The following ANKRD17 variants were observed in gnomAD, a reference collection of about 807,000 sequenced individuals.
The protein encoded by ANKRD17 is ankyrin repeat domain 17.
A neutral mutation model predicts 229.7 loss-of-function variants in ANKRD17; 19 were observed. That is an observed-to-expected ratio of 0.08 (90% CI 0.06 to 0.12). The LOEUF is 0.12. Ranked by LOEUF, ANKRD17 falls within the 10% of genes least tolerant of loss-of-function variation. ANKRD17 has a pLI of 1.00. For missense variants in ANKRD17, 2,176 were observed against 3,176.8 expected, an observed-to-expected ratio of 0.68 and a Z score of 7.57; for synonymous variants, 1,112 against 1,146.1, an observed-to-expected ratio of 0.97 and a Z score of 0.60.
intron 1 of ANKRD17, among the ~76,000 whole-genome samples, chr4:73,249,417 A>G (rs1434061976): frequency 5.3e-5 from 8 of 152,254 alleles, no homozygotes; most frequent in Admixed American, 6.5e-5. Flanking sequence ...TAAATGTGCC[A>G]TTTCTACAAT....
intron 24 of ANKRD17, among the ~76,000 whole-genome samples, chr4:73,104,962 G>T (rs1724441285): frequency 6.6e-6 from 1 of 152,120 alleles, no homozygotes; most frequent in Non-Finnish European, 1.5e-5. Flanking sequence ...AGTAATATGA[G>T]TTTGGATTAT....
In ANKRD17 at chr4:73,085,440, A is replaced by G. The variant is rs1413220173; in HGVS notation, c.6968T>C (p.Val2323Ala). Residue 2323 changes from valine to alanine, a missense_variant, in exon 30 of 34, where the codon GTC becomes GCC. Transcript: ENST00000358602. The stretch of plus-strand genomic sequence containing the variant: ...AGAACCATATGGCGAGTCCATATTG[A>G]CAATACCTATAATGTAGAAGGTCAT... Reference protein sequence around the residue: ...QRPAPSPSGIVNMDSPYGSVT... With the variant: ...QRPAPSPSGIANMDSPYGSVT... The G allele has an allele frequency of 2.5e-6, 4 of 1,612,174 alleles. 1 individual carries two copies. The South Asian group carries it at 3.3e-5, about 13-fold the overall frequency.
chr4:73,113,301 T>A, intron 24 of ANKRD17: 1 of 1,289,316 alleles, frequency 7.8e-7, no homozygotes, highest in Non-Finnish European at 1.0e-6. Context: ...GGGAATGATG[T>A]TGTAGTCTGC....
chr4:73,112,945 G>A (rs1412631135), intron 24 of ANKRD17: 3 of 412,420 alleles, frequency 7.3e-6, no homozygotes, highest in Non-Finnish European at 1.1e-5. Context: ...GCACCACCAC[G>A]TCCGGCTAAT....
intron 1 of ANKRD17, among the ~76,000 whole-genome samples, chr4:73,229,878 G>A (rs920311229): frequency 6.6e-6 from 1 of 151,886 alleles, no homozygotes; most frequent in Non-Finnish European, 1.5e-5. Flanking sequence ...AAATACTGCT[G>A]GATACATTTA....
intron 3 of ANKRD17, among the ~76,000 whole-genome samples, chr4:73,158,152 A>AAGAAAGAAAGAAAGAAAG (rs1553925348): frequency 1.5e-4 from 19 of 128,800 alleles, no homozygotes; most frequent in African/African-American, 4.1e-4. Context: ...GAAAGGAAGA[A>AAGAAAGAAAGAAAGAAAG]AAAGAAAGAA....
At chr4:73,200,918 C>G (rs1226718968) in intron 1 of ANKRD17, among the ~76,000 whole-genome samples, 1 of 121,092 alleles carries the variant, frequency 8.3e-6, no homozygotes, top group African/African-American at 3.2e-5. Context: ...CCAACAAAGG[C>G]TGAACTTAGA....
Position 73,118,691 on chromosome 4 carries a change from T to C in ANKRD17, c.4185A>G (p.Arg1395=). 2.5e-6 allele frequency: 4 copies of C among 1,613,970 alleles called. No individual in the cohort carries two copies. Among genetic ancestry groups the C allele is most frequent in the South Asian group, 2.2e-5 (2 of 91,066 alleles). ...AATGAGGATGAAAGACTTATACCTT[T>C]CTAAATGCTGCCATAAGAGGAGTTA... ...RKITPLMAAF[R]KGHVKVVRYL... The change falls in exon 22 of 34, where the codon AGA becomes AGG. Residue 1395 remains arginine (R), a synonymous_variant. Transcript: ENST00000358602.
Position 73,076,100 on chromosome 4 carries a change from C to A in ANKRD17, c.*131G>T. 1.7e-6 allele frequency: 1 copy of A among 598,412 alleles called. No homozygotes were observed. Among genetic ancestry groups the A allele is most frequent in the South Asian group, 4.2e-5 (1 of 23,676 alleles). The allele number at this position is 598,412 out of a possible 1,614,324, so 37.1% of individuals were successfully genotyped here. ...CAGAAAATAGGTCAGTTAGTAAGAT[C>A]TTCTGCAAAAAGCCTACACACTTCA... On this transcript the variant is annotated 3_prime_UTR_variant, in exon 34 of 34. Coordinates refer to ENST00000358602, the MANE Select transcript of ANKRD17 (RefSeq NM_032217.5).
Position 73,154,034 on chromosome 4 carries a change from A to G in ANKRD17, c.1080T>C (p.Ile360=), listed in dbSNP as rs147335914. Residue 360 remains isoleucine, a synonymous_variant, in exon 6 of 34, where the codon ATT becomes ATC. Transcript: ENST00000358602. ...VKVLLESGAS[I]EDHNENGHTP... is the part of the protein sequence containing the mutation. The stretch of plus-strand genomic sequence containing the variant: ...TATGACCATTTTCATTATGGTCCTC[A>G]ATACTAGCACCGGATTCCAAGAGCA... 3.2e-4 allele frequency: 513 copies of G among 1,613,196 alleles called. 2 individuals carry two copies. In the African/African-American group the frequency reaches 5.0e-3, roughly 16 times the overall value.
intron 1 of ANKRD17, among the ~76,000 whole-genome samples, chr4:73,209,885 T>C (rs1235332430): frequency 6.6e-6 from 1 of 151,974 alleles, no homozygotes; most frequent in Non-Finnish European, 1.5e-5. Flanking sequence ...CTGACAAAAT[T>C]CAATACCCTT....
At chr4:73,237,026 C>T (rs1187542205) in intron 1 of ANKRD17, among the ~76,000 whole-genome samples, 2 of 152,184 alleles carry the variant, frequency 1.3e-5, no homozygotes, top group African/African-American at 4.8e-5. Flanking sequence ...TTGTCAAGCA[C>T]AGAAACTGTG....
chr4:73,189,012 G>A (rs975950324), intron 1 of ANKRD17, among the ~76,000 whole-genome samples: 2 of 152,094 alleles, frequency 1.3e-5, no homozygotes, highest in South Asian at 4.1e-4. Flanking sequence ...CTGAAGCAAC[G>A]TCAATGACAG....
intron 5 of ANKRD17, 147 bp from the exon 6 acceptor site, chr4:73,154,260 T>C (rs1731356139): frequency 1.1e-5 from 4 of 374,114 alleles, no homozygotes; most frequent in Non-Finnish European, 1.8e-5. Flanking sequence ...TATATATCTA[T>C]ATATAAAATT....
chr4:73,079,910 C>T (rs1721383177), intron 30 of ANKRD17, among the ~76,000 whole-genome samples: 1 of 151,628 alleles, frequency 6.6e-6, no homozygotes, highest in Admixed American at 6.6e-5. Flanking sequence ...ATCAGGAGTT[C>T]GAGGGGCCAA....
chr4:73,111,382 A>AATC (rs1725299809), intron 24 of ANKRD17, among the ~76,000 whole-genome samples: 1 of 152,188 alleles, frequency 6.6e-6, no homozygotes, highest in African/African-American at 2.4e-5. Flanking sequence ...GATACACCAG[A>AATC]CAAAAGGAGG....
intron 1 of ANKRD17, among the ~76,000 whole-genome samples, chr4:73,233,283 C>G (rs1743228477): frequency 6.6e-6 from 1 of 151,970 alleles, no homozygotes; most frequent in South Asian, 2.1e-4. Context: ...GCACTGACCC[C>G]TTCGTTTGTT....
At chr4:73,247,057 T>G (rs1262555269) in intron 1 of ANKRD17, among the ~76,000 whole-genome samples, 1 of 151,978 alleles carries the variant, frequency 6.6e-6, no homozygotes, top group Non-Finnish European at 1.5e-5. Context: ...TATGAAAAAT[T>G]AATACTATAA....
chr4:73,085,564 C>G, intron 29 of ANKRD17, 118 bp from the exon 30 acceptor site: 1 of 952,400 alleles, frequency 1.0e-6, no homozygotes, highest in East Asian at 2.6e-5. Flanking sequence ...TTAAAAAAAT[C>G]CCGGCTGGGA....
Sources: gnomAD v4.1 joint callset for allele counts (sites outside exome capture counted in the v4.1 genomes callset) on GRCh38, gnomAD v4.1.1 for gene constraint, MANE v1.5 for transcripts, NCBI Gene and HGNC (gene_info 2026-07-23, HGNC 2026-07-21) for gene names.